Variants in MINPP1 observed in about 807,000 individuals in gnomAD.
MINPP1 encodes the protein multiple inositol-polyphosphate phosphatase 1, also known as multiple inositol polyphosphate phosphatase 1.
MINPP1 carries 28 observed loss-of-function variants against 46.1 expected under a neutral mutation model. The observed-to-expected ratio is 0.61, with a 90% CI of 0.45 to 0.83. MINPP1 has a LOEUF of 0.83. MINPP1 is among the 40% of genes least tolerant of loss of function. The probability of loss-of-function intolerance (pLI) is 0.00; values close to 1 mark genes in which losing one functional copy is unlikely to be tolerated. For missense variants in MINPP1, 603 were observed against 610.0 expected, an observed-to-expected ratio of 0.99 and a Z score of 0.12; for synonymous variants, 268 against 249.1, an observed-to-expected ratio of 1.08 and a Z score of -0.72.
At chr10:87,531,077 C>T (rs972114555) in intron 4 of MINPP1, among the ~76,000 whole-genome samples, 10 of 152,304 alleles carry the variant, frequency 6.6e-5, no homozygotes, top group Middle Eastern at 3.4e-3. Flanking sequence ...ATGGGAGTGT[C>T]CTGATTTTCC....
Position 87,521,042 on chromosome 10 carries a change from G to T in MINPP1, c.940G>T (p.Glu314Ter). Reference sequence around the variant, plus strand: ...TATTTTTGAATTTTTTTAGGTATTAGAATATTTAAATGATCTGAAACAATA... The same window carrying T: ...TATTTTTGAATTTTTTTAGGTATTATAATATTTAAATGATCTGAAACAATA... ...VFDIDDAKVL[E>*]YLNDLKQYWK... The change falls in exon 4 of 5, where the codon GAA becomes TAA. Residue 314 changes from glutamate to a stop codon, truncating the protein, a stop_gained. Coordinates refer to ENST00000371996, the MANE Select transcript of MINPP1 (RefSeq NM_004897.5). LOFTEE classifies it high-confidence loss of function. The T allele has an allele frequency of 9.3e-7, 1 of 1,075,772 alleles. No homozygotes were observed. The highest frequency in any genetic ancestry group is 1.8e-5 in the Admixed American group (1 of 57,126). 66.6% of individuals were successfully genotyped at this position (1,075,772 alleles called of 1,614,324 possible). A position where few individuals can be genotyped will look rare whatever the true frequency, so the allele number is the denominator to read the frequency against.
At position 87,521,052 on chromosome 10, in the gene MINPP1, A is replaced by G. The variant is rs757890666; in HGVS notation, c.950A>G (p.Asn317Ser). 3.4e-6 allele frequency: 4 copies of G among 1,162,438 alleles called. No homozygotes were observed. The Admixed American group carries it at 5.2e-5, about 15-fold the overall frequency. The allele number at this position is 1,162,438 out of a possible 1,614,324, so 72.0% of individuals were successfully genotyped here. Reference sequence around the variant, plus strand: ...TTTTTTTAGGTATTAGAATATTTAAATGATCTGAAACAATATTGGAAAAGA... The same window carrying G: ...TTTTTTTAGGTATTAGAATATTTAAGTGATCTGAAACAATATTGGAAAAGA... ...IDDAKVLEYL[N>S]DLKQYWKRGY... The change falls in exon 4 of 5, where the codon AAT becomes AGT. Residue 317 changes from asparagine to serine, a missense_variant. By Grantham distance (46) the Asn-to-Ser change is conservative (BLOSUM62 1). Coordinates refer to ENST00000371996, the MANE Select transcript of MINPP1 (RefSeq NM_004897.5).
chr10:87,544,833 G>A (rs1023286269), intron 4 of MINPP1, among the ~76,000 whole-genome samples: 35 of 152,188 alleles, frequency 2.3e-4, no homozygotes, highest in African/African-American at 7.9e-4. Context: ...AGGTTACTAA[G>A]TTGAATTCAG....
chr10:87,505,452 C>G lies in MINPP1; in HGVS notation c.537C>G (p.Leu179=), dbSNP rs1423793083. The G allele has an allele frequency of 6.2e-7, 1 of 1,613,320 alleles. No homozygotes were observed. Among genetic ancestry groups the G allele is most frequent in the Admixed American group, 1.7e-5 (1 of 60,002 alleles). Residue 179 remains leucine (L), a synonymous_variant, in exon 1 of 5, where the codon CTC becomes CTG. Coordinates refer to ENST00000371996, the MANE Select transcript of MINPP1 (RefSeq NM_004897.5). This position sits in a 1 kb window ranked among gnomAD's most constrained non-coding sequence, Gnocchi z 4.4. The stretch of plus-strand genomic sequence containing the variant: ...GTGAGAACTACGGCCGCCTGCGGCT[C>G]ATCACCAGTTCCAAGCACCGCTGCA... The part of the protein sequence containing the change: ...FSRENYGRLR[L]ITSSKHRCMD...
At chr10:87,526,728 T>C (rs187052709) in intron 4 of MINPP1, among the ~76,000 whole-genome samples, 1 of 152,324 alleles carries the variant, frequency 6.6e-6, no homozygotes, top group East Asian at 1.9e-4. Flanking sequence ...TTGTATAAGG[T>C]GTGAGGAAGG....
intron 4 of MINPP1, among the ~76,000 whole-genome samples, chr10:87,527,081 A>T (rs1851588217): frequency 6.6e-6 from 1 of 152,198 alleles, no homozygotes. Flanking sequence ...AATTCTGTGA[A>T]AAAAGTCATT....
At chr10:87,532,123 C>T (rs1264867012) in intron 4 of MINPP1, among the ~76,000 whole-genome samples, 1 of 152,166 alleles carries the variant, frequency 6.6e-6, no homozygotes, top group African/African-American at 2.4e-5. Context: ...CCCCCCTTGG[C>T]AATTGTCCAA....
intron 4 of MINPP1, among the ~76,000 whole-genome samples, chr10:87,546,032 A>G (rs913119344): frequency 6.6e-6 from 1 of 152,250 alleles, no homozygotes; most frequent in African/African-American, 2.4e-5. Flanking sequence ...AGAGTGAGCC[A>G]AAAGACTAGA....
Position 87,504,911 on chromosome 10 carries a change from C to G in MINPP1, c.-5C>G, listed in dbSNP as rs757720938. The G allele has an allele frequency of 1.5e-5, 24 of 1,609,738 alleles. No homozygotes were observed. In the African/African-American group the frequency reaches 2.0e-4, roughly 13 times the overall value. On this transcript the variant is annotated 5_prime_UTR_variant, in exon 1 of 5. Coordinates refer to ENST00000371996, the MANE Select transcript of MINPP1 (RefSeq NM_004897.5). ...GCTCGGCGCACTCCACTGACCGTCC[C>G]GACGATGCTACGCGCGCCCGGCTGC... is the stretch of plus-strand genomic sequence containing the variant.
intron 4 of MINPP1, 66 bp downstream of exon 4, chr10:87,521,235 A>G (rs1316288614): frequency 1.6e-6 from 2 of 1,278,758 alleles, no homozygotes; most frequent in Non-Finnish European, 1.1e-6. Context: ...AAATTTTTTT[A>G]TAATGAGTAA....
intron 2 of MINPP1, among the ~76,000 whole-genome samples, chr10:87,511,573 A>G (rs2131803387): frequency 6.6e-6 from 1 of 152,354 alleles, no homozygotes; most frequent in South Asian, 2.1e-4. Flanking sequence ...CTTAAATAAG[A>G]TAGTGTATCT....
chr10:87,529,244 G>T (rs148451386), intron 4 of MINPP1, among the ~76,000 whole-genome samples: 1 of 152,110 alleles, frequency 6.6e-6, no homozygotes, highest in African/African-American at 2.4e-5. Context: ...GAATTTGATC[G>T]TGTCATTATG....
chr10:87,526,517 G>T (rs1216619374), intron 4 of MINPP1, among the ~76,000 whole-genome samples: 2 of 152,070 alleles, frequency 1.3e-5, no homozygotes, highest in Admixed American at 6.6e-5. Flanking sequence ...CTGATGGTAG[G>T]TTCTTTTGCC....
intron 2 of MINPP1, among the ~76,000 whole-genome samples, chr10:87,509,918 T>G (rs780532889): frequency 6.6e-6 from 1 of 152,206 alleles, no homozygotes; most frequent in Non-Finnish European, 1.5e-5. Context: ...TAAAACTATG[T>G]TTAGTCTCTG....
intron 2 of MINPP1, among the ~76,000 whole-genome samples, chr10:87,512,184 G>C (rs957481283): frequency 2.0e-5 from 3 of 152,050 alleles, no homozygotes; most frequent in Non-Finnish European, 2.9e-5. Context: ...ACTAACAAAG[G>C]CTACTTTTTA....
At position 87,508,272 on chromosome 10, in the gene MINPP1, A is replaced by G. The variant is rs575437529; in HGVS notation, c.638-64A>G. 228 of 1,589,718 alleles carry G rather than the reference A, an allele frequency of 1.4e-4. 1 individual carries two copies. The African/African-American group carries it at 2.6e-3, about 18-fold the overall frequency. On this transcript the variant is annotated intron_variant, in intron 1 of 4. Coordinates refer to ENST00000371996, the MANE Select transcript of MINPP1 (RefSeq NM_004897.5). Reference sequence around the variant, plus strand: ...TCCTTTTTCACACTTAACATTTTCAATAATTTGAAACTGTCATTTATGTCA... The same window carrying G: ...TCCTTTTTCACACTTAACATTTTCAGTAATTTGAAACTGTCATTTATGTCA...
At chr10:87,528,421 T>C (rs1315460117) in intron 4 of MINPP1, among the ~76,000 whole-genome samples, 4 of 152,356 alleles carry the variant, frequency 2.6e-5, no homozygotes, top group Middle Eastern at 3.4e-3. Context: ...TTTGTTCTCA[T>C]TGGTTTCAAA....
intron 4 of MINPP1, among the ~76,000 whole-genome samples, chr10:87,548,971 A>T (rs1851926406): frequency 6.6e-6 from 1 of 152,212 alleles, no homozygotes; most frequent in African/African-American, 2.4e-5. Context: ...AACAAATTGG[A>T]TTCATCAAAT....
chr10:87,517,270 G>T (rs555578888), intron 3 of MINPP1, among the ~76,000 whole-genome samples: 1 of 152,190 alleles, frequency 6.6e-6, no homozygotes, highest in Non-Finnish European at 1.5e-5. Context: ...TTGTGAAAAG[G>T]TTTACAAATT....
Sources: gnomAD v4.1 joint callset for allele counts (sites outside exome capture counted in the v4.1 genomes callset) on GRCh38, gnomAD v4.1.1 for gene constraint, Gnocchi (gnomAD v3.1) non-coding constraint, MANE v1.5 for transcripts, NCBI Gene and HGNC (gene_info 2026-07-23, HGNC 2026-07-21) for gene names.